Variants in EEA1 observed in about 807,000 individuals in gnomAD.
The protein encoded by EEA1 is early endosome antigen 1, 162kD.
EEA1 carries 111 observed loss-of-function variants against 209.2 expected under a neutral mutation model. The observed-to-expected ratio is 0.53, with a 90% CI of 0.45 to 0.62. The LOEUF is 0.62. Ranked by LOEUF, EEA1 falls within the 20% of genes least tolerant of loss-of-function variation. The pLI is 0.00. For missense variants in EEA1, 1,343 were observed against 1,530.8 expected (o/e 0.88, Z 2.05); for synonymous variants, 536 against 540.6 (o/e 0.99, Z 0.12).
intron 2 of EEA1, among the ~76,000 whole-genome samples, chr12:92,889,195 A>G (rs1458487621): frequency 2.0e-5 from 3 of 151,842 alleles, no homozygotes; most frequent in African/African-American, 7.3e-5. Flanking sequence ...AATATAGTGC[A>G]TAATATCCAA....
chr12:92,861,765 T>C (rs1267023985), intron 3 of EEA1, among the ~76,000 whole-genome samples: 1 of 151,536 alleles, frequency 6.6e-6, no homozygotes, highest in Admixed American at 6.6e-5. Context: ...TATATTTATA[T>C]ATTTATTTAT....
At chr12:92,926,099 T>C (rs1157627742) in intron 1 of EEA1, among the ~76,000 whole-genome samples, 1 of 152,016 alleles carries the variant, frequency 6.6e-6, no homozygotes, top group East Asian at 1.9e-4. Context: ...GTTCAAGTGA[T>C]TCTCCTACCT....
At chr12:92,880,768 C>T (rs1240044353) in intron 2 of EEA1, among the ~76,000 whole-genome samples, 3 of 152,188 alleles carry the variant, frequency 2.0e-5, no homozygotes, top group Non-Finnish European at 4.4e-5. Context: ...AGCTACCACA[C>T]CTGGCTTAAT....
chr12:92,798,345 A>AT (rs202235633), intron 21 of EEA1, among the ~76,000 whole-genome samples: 36,071 of 149,310 alleles, frequency 0.24, 4,894 homozygotes, highest in Non-Finnish European at 0.31. Context: ...CATTATTATT[A>AT]TTATTATTTT....
At chr12:92,787,759 T>C in intron 22 of EEA1, 108 bp downstream of exon 22, 1 of 906,678 alleles carries the variant, frequency 1.1e-6, no homozygotes, top group Non-Finnish European at 1.5e-6. Context: ...AACAGCACAC[T>C]ATTCCACAAA....
chr12:92,852,315 A>T lies in EEA1; in HGVS notation c.521-19T>A, dbSNP rs747698522. ...TTTATATCTAATTAAAGATAGTTATATAAATATTAGTTTAAGGGGAGGACA... is the reference window on the plus strand; with the variant it reads ...TTTATATCTAATTAAAGATAGTTATTTAAATATTAGTTTAAGGGGAGGACA... On this transcript the variant is annotated intron_variant, in intron 7 of 28. Coordinates refer to ENST00000322349, the MANE Select transcript of EEA1 (RefSeq NM_003566.4). 1.1e-5 allele frequency: 16 copies of T among 1,510,438 alleles called. No individual in the cohort carries two copies. The highest frequency in any genetic ancestry group is 2.0e-4 in the Middle Eastern group (1 of 4,920). The allele number at this position is 1,510,438 out of a possible 1,614,324, so 93.6% of individuals were successfully genotyped here.
intron 12 of EEA1, 150 bp from the exon 13 acceptor site, chr12:92,826,435 C>A (rs1368991254): frequency 3.2e-6 from 2 of 629,720 alleles, no homozygotes; most frequent in East Asian, 3.3e-5. Context: ...CTTGGCTGGG[C>A]ACAGTGGCTC....
chr12:92,777,696 T>G (rs762930666), intron 26 of EEA1, 33 bp from the exon 27 acceptor site: 2 of 1,596,590 alleles, frequency 1.3e-6, no homozygotes. Context: ...AATTAATTTT[T>G]TAGAAAATCA....
At chr12:92,792,458 T>C (rs1874449527) in intron 21 of EEA1, among the ~76,000 whole-genome samples, 2 of 151,910 alleles carry the variant, frequency 1.3e-5, no homozygotes, top group Admixed American at 6.6e-5. Flanking sequence ...TCACCACCGA[T>C]CCCACAGAAA....
intron 2 of EEA1, among the ~76,000 whole-genome samples, chr12:92,876,359 G>A (rs1267187381): frequency 6.6e-6 from 1 of 152,092 alleles, no homozygotes; most frequent in African/African-American, 2.4e-5. Flanking sequence ...CACCATGCCT[G>A]GCCAATACAT....
chr12:92,863,163 C>T (rs1415190747), intron 3 of EEA1, among the ~76,000 whole-genome samples: 1 of 152,202 alleles, frequency 6.6e-6, no homozygotes, highest in Non-Finnish European at 1.5e-5. Context: ...AGAACTGGCA[C>T]AGCCAAATTT....
chr12:92,796,530 T>C (rs972767099), intron 21 of EEA1, among the ~76,000 whole-genome samples: 21 of 152,118 alleles, frequency 1.4e-4, no homozygotes, highest in African/African-American at 5.1e-4. Flanking sequence ...TATATATCTA[T>C]AGATATCTAC....
intron 2 of EEA1, chr12:92,884,515 A>C (rs1879297957): frequency 6.8e-7 from 1 of 1,480,284 alleles, no homozygotes; most frequent in Admixed American, 1.7e-5. Context: ...GAGGTGGTGG[A>C]AGCTACAATG....
chr12:92,919,207 A>G (rs1255535400), intron 1 of EEA1, among the ~76,000 whole-genome samples: 1 of 149,160 alleles, frequency 6.7e-6, no homozygotes, highest in African/African-American at 2.4e-5. Flanking sequence ...AACTATTCCA[A>G]TCAATAGAAA....
chr12:92,887,304 G>A (rs1217272744), intron 2 of EEA1, among the ~76,000 whole-genome samples: 1 of 151,500 alleles, frequency 6.6e-6, no homozygotes, highest in Non-Finnish European at 1.5e-5. Flanking sequence ...TGCAACCAGA[G>A]TCACAGATGG....
intron 18 of EEA1, 136 bp downstream of exon 18, chr12:92,808,880 AG>A: frequency 1.5e-6 from 1 of 652,590 alleles, no homozygotes; most frequent in Non-Finnish European, 2.3e-6. Flanking sequence ...CATTAACATC[AG>A]TTTATAAAAT....
At chr12:92,925,672 C>T (rs140687493) in intron 1 of EEA1, among the ~76,000 whole-genome samples, 4 of 152,298 alleles carry the variant, frequency 2.6e-5, no homozygotes, top group Non-Finnish European at 5.9e-5. Flanking sequence ...CATATTGGAG[C>T]TACTTCACTT....
chr12:92,826,853 T>G (rs1334991663), intron 12 of EEA1, among the ~76,000 whole-genome samples: 2 of 152,186 alleles, frequency 1.3e-5, no homozygotes, highest in Non-Finnish European at 2.9e-5. Flanking sequence ...AGTTTATTAT[T>G]TTTTTGTAAA....
At position 92,772,191 on chromosome 12, in the gene EEA1, T is replaced by C. The variant is rs1873458896; in HGVS notation, c.*3820A>G. On this transcript the variant is annotated 3_prime_UTR_variant, in exon 29 of 29. Transcript: ENST00000322349. ...ATAAATAAATAAATAAATAATGTTT[T>C]AAGTATCTTTAAATGGTCATCTGGG... is the stretch of plus-strand genomic sequence containing the variant. 1 of 151,886 alleles carries C rather than the reference T, an allele frequency of 6.6e-6. No homozygotes were observed. The highest frequency in any genetic ancestry group is 2.1e-4 in the South Asian group (1 of 4,828). 9.4% of individuals were successfully genotyped at this position (151,886 alleles called of 1,614,324 possible). A position where few individuals can be genotyped will look rare whatever the true frequency, so the allele number is the denominator to read the frequency against.
Sources: gnomAD v4.1 joint callset for allele counts (sites outside exome capture counted in the v4.1 genomes callset) on GRCh38, gnomAD v4.1.1 for gene constraint, MANE v1.5 for transcripts, NCBI Gene and HGNC (gene_info 2026-07-23, HGNC 2026-07-21) for gene names.